PGK1: variants seen among roughly 807,000 people sequenced by gnomAD.
PGK1 encodes PRP 2.
Under a neutral mutation model 26.9 loss-of-function variants are expected in PGK1, and 3 were observed. That is an observed-to-expected ratio of 0.11 (90% CI 0.05 to 0.29). The LOEUF is 0.29. Ranked by LOEUF, PGK1 falls within the 10% of genes least tolerant of loss-of-function variation. The pLI is 1.00. For synonymous variants in PGK1, 125 were observed against 115.3 expected (o/e 1.08, Z -0.54); for missense variants, 270 against 314.7 (o/e 0.86, Z 1.07).
intron 6 of PGK1, among the ~76,000 whole-genome samples, chrX:78,118,767 T>G (rs782734816): frequency 1.7e-4 from 19 of 110,485 alleles, no homozygotes; most frequent in African/African-American, 6.3e-4. Flanking sequence ...AAAGTTGGTG[T>G]GGAGAGAGCT....
At position 78,128,431 on chromosome X, in the gene PGK1, G is replaced by C. The variant is rs1557248943; in HGVS notation, c.*2601G>C. 1 of 112,605 alleles carries C rather than the reference G, an allele frequency of 8.9e-6. No individual in the cohort carries two copies. The highest frequency in any genetic ancestry group is 9.3e-5 in the Admixed American group (1 of 10,730). The allele number at this position is 112,605 out of a possible 1,213,427, so 9.3% of individuals were successfully genotyped here. ...GGTGGCGTGTGCCACTGTAGTCCCA[G>C]CTATTCAGAAGGCTGAGGCAGGAGA... On this transcript the variant is annotated 3_prime_UTR_variant, in exon 11 of 11. Transcript: ENST00000373316.
chrX:78,125,642 T>C (rs2078379693), intron 10 of PGK1, 148 bp from the exon 11 acceptor site: 1 of 604,208 alleles, frequency 1.7e-6, no homozygotes, highest in Non-Finnish European at 2.9e-6. Context: ...CTAGTAGACC[T>C]GGAATCCACA....
intron 7 of PGK1, 79 bp from the exon 8 acceptor site, chrX:78,123,116 C>A: frequency 1.2e-6 from 1 of 816,633 alleles, no homozygotes; most frequent in Non-Finnish European, 1.9e-6. Context: ...TGTATTGTGT[C>A]TGGTTCCTGT....
At chrX:78,119,121 A>G (rs1399949384) in intron 6 of PGK1, among the ~76,000 whole-genome samples, 4 of 111,426 alleles carry the variant, frequency 3.6e-5, no homozygotes, top group African/African-American at 9.8e-5. Flanking sequence ...GTATAACCAT[A>G]TAATCTGGCA....
chrX:78,125,278 T>G (rs1759569330), intron 9 of PGK1, 49 bp from the exon 10 acceptor site: 1 of 1,035,191 alleles, frequency 9.7e-7, no homozygotes, highest in Non-Finnish European at 1.4e-6. Context: ...GCCAATCCCT[T>G]TTTTTTCTTT....
rs1224773459 is a variant in PGK1 at position 78,126,794 on chromosome X, A to G, written c.*964A>G. ...TCTACATAACTAATACAGCTGAGCTATGTAGTATGCTATGATTAAATTTAC... is the reference window on the plus strand; with the variant it reads ...TCTACATAACTAATACAGCTGAGCTGTGTAGTATGCTATGATTAAATTTAC... On this transcript the variant is annotated 3_prime_UTR_variant, in exon 11 of 11. Transcript: ENST00000373316. 1 of 112,114 alleles carries G rather than the reference A, an allele frequency of 8.9e-6. No homozygotes were observed. The highest frequency in any genetic ancestry group is 3.2e-5 in the African/African-American group (1 of 30,844). 9.2% of individuals were successfully genotyped at this position (112,114 alleles called of 1,213,427 possible). A position where few individuals can be genotyped will look rare whatever the true frequency, so the allele number is the denominator to read the frequency against.
intron 4 of PGK1, among the ~76,000 whole-genome samples, chrX:78,115,072 A>G (rs1380253987): frequency 9.0e-6 from 1 of 111,292 alleles, no homozygotes; most frequent in African/African-American, 3.3e-5. Flanking sequence ...TTTAGCACCA[A>G]AGATGCTGGT....
At chrX:78,112,228 CACAT>C (rs782622566) in intron 2 of PGK1, among the ~76,000 whole-genome samples, 26 of 111,683 alleles carry the variant, frequency 2.3e-4, no homozygotes, top group Non-Finnish European at 4.3e-4. Flanking sequence ...TACGCACACA[CACAT>C]ACATGTTTAT....
chrX:78,113,602 C>T, intron 2 of PGK1, 142 bp from the exon 3 acceptor site: 1 of 552,221 alleles, frequency 1.8e-6, no homozygotes. Context: ...TTCTTAAGGA[C>T]CACCATTGAA....
chrX:78,121,669 G>T (rs782410360), intron 6 of PGK1, among the ~76,000 whole-genome samples: 1 of 112,384 alleles, frequency 8.9e-6, no homozygotes, highest in Non-Finnish European at 1.9e-5. Flanking sequence ...TTTATGGAAG[G>T]CAGGCTATTA....
In PGK1 at chrX:78,126,949, C is replaced by A. The variant is rs1267427732; in HGVS notation, c.*1119C>A. 1 of 112,660 alleles carries A rather than the reference C, an allele frequency of 8.9e-6. No homozygotes were observed. Among genetic ancestry groups the A allele is most frequent in the Non-Finnish European group, 1.9e-5 (1 of 53,275 alleles). 9.3% of individuals were successfully genotyped at this position (112,660 alleles called of 1,213,427 possible). On this transcript the variant is annotated 3_prime_UTR_variant, in exon 11 of 11. Coordinates refer to ENST00000373316, the MANE Select transcript of PGK1 (RefSeq NM_000291.4). ...AATATATTAAAACATATTGAATAAT[C>A]CTTGTTAGAGTTATCCCTGCAGGAG... is the stretch of plus-strand genomic sequence containing the variant.
intron 2 of PGK1, among the ~76,000 whole-genome samples, chrX:78,110,983 TTA>T (rs782003705): frequency 0.014 from 1,003 of 70,612 alleles, 12 homozygotes; most frequent in East Asian, 0.082. Flanking sequence ...TTTGTAGATT[TTA>T]TATATATATA....
intron 1 of PGK1, chrX:78,106,280 T>A (rs1286122076): frequency 2.9e-6 from 1 of 338,993 alleles, no homozygotes; most frequent in African/African-American, 2.8e-5. Context: ...GAGTAGAATT[T>A]AGGTCTCCTT....
At chrX:78,121,195 G>A (rs2078353093) in intron 6 of PGK1, among the ~76,000 whole-genome samples, 1 of 112,344 alleles carries the variant, frequency 8.9e-6, no homozygotes, top group East Asian at 2.8e-4. Flanking sequence ...GATCATCTCA[G>A]AAGTGTCTTT....
intron 2 of PGK1, among the ~76,000 whole-genome samples, chrX:78,113,165 C>G (rs1557247031): frequency 1.8e-5 from 2 of 111,150 alleles, no homozygotes. Context: ...CATGGTGGTG[C>G]ATTCCTGTAG....
At chrX:78,123,477 TAGG>T (rs1339745720) in intron 8 of PGK1, 103 bp downstream of exon 8, 8 of 647,926 alleles carry the variant, frequency 1.2e-5, no homozygotes, top group South Asian at 9.5e-5. Flanking sequence ...ACAATCTCTA[TAGG>T]AGATCTGTCA....
At position 78,129,275 on chromosome X, in the gene PGK1, A is replaced by G. The variant is rs1487885614; in HGVS notation, c.*3445A>G. On this transcript the variant is annotated 3_prime_UTR_variant, in exon 11 of 11. Coordinates refer to ENST00000373316, the MANE Select transcript of PGK1 (RefSeq NM_000291.4). Reference sequence around the variant, plus strand: ...TATCTATCTATCTGTATATAGATATATTAAAATGTAAATGGTGGCATACCT... The same window carrying G: ...TATCTATCTATCTGTATATAGATATGTTAAAATGTAAATGGTGGCATACCT... 2 of 105,402 alleles carry G rather than the reference A, an allele frequency of 1.9e-5. No homozygotes were observed. Among genetic ancestry groups the G allele is most frequent in the Non-Finnish European group, 3.9e-5 (2 of 51,095 alleles). The allele number at this position is 105,402 out of a possible 1,213,427, so 8.7% of individuals were successfully genotyped here. A position where few individuals can be genotyped will look rare whatever the true frequency, so the allele number is the denominator to read the frequency against.
chrX:78,118,540 C>T (rs1557247688), intron 6 of PGK1, among the ~76,000 whole-genome samples: 1 of 110,821 alleles, frequency 9.0e-6, no homozygotes, highest in African/African-American at 3.3e-5. Flanking sequence ...GATCACGCCA[C>T]TGCACTCCAG....
intron 7 of PGK1, 109 bp downstream of exon 7, chrX:78,123,058 T>G: frequency 1.4e-6 from 1 of 721,640 alleles, no homozygotes; most frequent in Non-Finnish European, 2.2e-6. Context: ...AAATTCCCAT[T>G]TTTATTTATT....
Sources: gnomAD v4.1 joint callset for allele counts (sites outside exome capture counted in the v4.1 genomes callset) on GRCh38, gnomAD v4.1.1 for gene constraint, MANE v1.5 for transcripts, NCBI Gene and HGNC (gene_info 2026-07-23, HGNC 2026-07-21) for gene names.